Variants in ENTREP1 observed in about 807,000 individuals in gnomAD.
ENTREP1 encodes Friedreich ataxia region gene X123.
At chr9:69,381,273 T>G in the ENTREP1 span, 1 of 152,224 alleles carries the variant, frequency 6.6e-6, no homozygotes, top group Non-Finnish European at 1.5e-5. Flanking sequence ...AGCCTCAGTT[T>G]CCTCATTCAC....
chr9:69,325,464 C>T, the ENTREP1 span: 1 of 939,056 alleles, frequency 1.1e-6, no homozygotes, highest in Non-Finnish European at 1.3e-6. Context: ...GCGCTGCAGC[C>T]CCCGTCGCGG....
At chr9:69,383,759 G>A in the ENTREP1 span, 1 of 1,614,126 alleles carries the variant, frequency 6.2e-7, no homozygotes, top group Admixed American at 1.7e-5. Flanking sequence ...ACCAGGAGCA[G>A]GTACTGTCTG....
the ENTREP1 span, chr9:69,386,130 T>C: frequency 2.1e-6 from 1 of 471,640 alleles, no homozygotes; most frequent in Non-Finnish European, 3.4e-6. Context: ...ATCTACCATG[T>C]CTTTTAAGGA....
chr9:69,373,088 T>G, the ENTREP1 span, among the ~76,000 whole-genome samples: 1 of 152,126 alleles, frequency 6.6e-6, no homozygotes, highest in Non-Finnish European at 1.5e-5. Context: ...TATCAGAATA[T>G]ATATACCACA....
At chr9:69,330,068 T>C in the ENTREP1 span, among the ~76,000 whole-genome samples, 1 of 123,744 alleles carries the variant, frequency 8.1e-6, no homozygotes, top group Non-Finnish European at 1.7e-5. Flanking sequence ...TAGATTCCAC[T>C]GGGGTATGGG....
the ENTREP1 span, among the ~76,000 whole-genome samples, chr9:69,333,106 G>A: frequency 1.3e-5 from 2 of 152,060 alleles, no homozygotes; most frequent in African/African-American, 4.8e-5. Flanking sequence ...ATCCCTGTGA[G>A]TGTGTATATA....
chr9:69,391,784 A>G, the ENTREP1 span: 17 of 1,608,294 alleles, frequency 1.1e-5, no homozygotes, highest in Non-Finnish European at 1.3e-5. Context: ...CATTGGGGTC[A>G]TCCGAGAGAC....
chr9:69,386,045 G>A, the ENTREP1 span: 10 of 1,141,616 alleles, frequency 8.8e-6, no homozygotes, highest in African/African-American at 1.6e-5. Context: ...GGACCCTGCA[G>A]TTTAAGTGGT....
chr9:69,354,993 A>G, the ENTREP1 span, among the ~76,000 whole-genome samples: 1 of 152,302 alleles, frequency 6.6e-6, no homozygotes, highest in Admixed American at 6.5e-5. Flanking sequence ...AAGTAGTGCC[A>G]TATACTGTGA....
At chr9:69,339,445 G>A in the ENTREP1 span, among the ~76,000 whole-genome samples, 1 of 152,186 alleles carries the variant, frequency 6.6e-6, no homozygotes, top group African/African-American at 2.4e-5. Flanking sequence ...CTGTGTGCAA[G>A]CCACTGAACT....
chr9:69,333,977 A>G, the ENTREP1 span, among the ~76,000 whole-genome samples: 3,253 of 152,344 alleles, frequency 0.021, 51 homozygotes, highest in Middle Eastern at 0.068. Context: ...TGTCATCACT[A>G]TAAGGTAAGT....
At chr9:69,377,566 C>T in the ENTREP1 span, 6 of 1,612,984 alleles carry the variant, frequency 3.7e-6, no homozygotes, top group South Asian at 4.4e-5. Context: ...CTCCCCGTGC[C>T]TTTGTAATGA....
chr9:69,353,312 TA>T, the ENTREP1 span, among the ~76,000 whole-genome samples: 113 of 152,354 alleles, frequency 7.4e-4, no homozygotes, highest in African/African-American at 2.5e-3. Context: ...AATGTTTTGT[TA>T]TGAGAATTCT....
At chr9:69,348,443 A>G in the ENTREP1 span, among the ~76,000 whole-genome samples, 2 of 152,074 alleles carry the variant, frequency 1.3e-5, no homozygotes, top group South Asian at 2.1e-4. Context: ...CTTTATTGAG[A>G]TGTAGTTGAC....
chr9:69,386,435 C>G, the ENTREP1 span: 3 of 70,892 alleles, frequency 4.2e-5, no homozygotes, highest in African/African-American at 1.8e-4. Flanking sequence ...CCACACAATT[C>G]ACCTCTCTCT....
the ENTREP1 span, among the ~76,000 whole-genome samples, chr9:69,376,122 A>G: frequency 2.0e-5 from 3 of 152,244 alleles, no homozygotes; most frequent in Non-Finnish European, 4.4e-5. Flanking sequence ...CTGACTATAT[A>G]TATGTATATG....
the ENTREP1 span, chr9:69,371,307 C>G: frequency 7.8e-6 from 5 of 642,956 alleles, no homozygotes; most frequent in Admixed American, 7.3e-5. Context: ...ACTTAAGAGT[C>G]AGTGGCATCC....
At chr9:69,391,075 C>T in the ENTREP1 span, among the ~76,000 whole-genome samples, 3 of 152,150 alleles carry the variant, frequency 2.0e-5, no homozygotes, top group Non-Finnish European at 2.9e-5. Flanking sequence ...TGAGCCACTG[C>T]GCCTATACTT....
chr9:69,335,157 A>G, the ENTREP1 span, among the ~76,000 whole-genome samples: 1 of 152,228 alleles, frequency 6.6e-6, no homozygotes, highest in Non-Finnish European at 1.5e-5. Context: ...ACTTTGTGGA[A>G]TAAATGCTCT....
Sources: allele counts gnomAD v4.1 joint callset (sites outside exome capture counted in the v4.1 genomes callset), GRCh38; gene constraint gnomAD v4.1.1; transcripts MANE v1.5; gene names NCBI Gene and HGNC (gene_info 2026-07-23, HGNC 2026-07-21).